The following ABAT variants were observed in gnomAD, a reference collection of about 807,000 sequenced individuals.
ABAT encodes 4-aminobutyrate aminotransferase.
In ABAT, 45 loss-of-function variants were observed where a neutral mutation model predicts 64.6. The ratio of observed to expected loss-of-function variants is 0.70; its 90% CI spans 0.55 to 0.89. The LOEUF (loss-of-function observed/expected upper bound fraction) is 0.89, where lower values mean the gene tolerates loss of function less well. Ranked by LOEUF, ABAT falls within the 40% of genes least tolerant of loss-of-function variation. The pLI is 0.00. For missense variants in ABAT, 633 were observed against 658.4 expected (o/e 0.96, Z 0.42); for synonymous variants, 297 against 250.5 (o/e 1.19, Z -1.75).
intron 1 of ABAT, among the ~76,000 whole-genome samples, chr16:8,717,042 C>A (rs1236879530): frequency 2.0e-5 from 3 of 152,348 alleles, no homozygotes; most frequent in Non-Finnish European, 2.9e-5. Context: ...GTAATCCCAG[C>A]ACTTTGGGAG....
chr16:8,764,614 C>T lies in ABAT; in HGVS notation c.448-124C>T. Reference sequence around the variant, plus strand: ...GCCCACCCTCCCAGTCCGACACCTTCCAGGACAGCCCTGGTTCTGTCTGTC... The same window carrying T: ...GCCCACCCTCCCAGTCCGACACCTTTCAGGACAGCCCTGGTTCTGTCTGTC... On this transcript the variant is annotated intron_variant, in intron 7 of 15. Transcript: ENST00000268251. The surrounding 1 kb of genome is among the most constrained non-coding windows in gnomAD (Gnocchi z 4.2). The T allele has an allele frequency of 1.0e-6, 1 of 962,562 alleles. No homozygotes were observed. Among genetic ancestry groups the T allele is most frequent in the Non-Finnish European group, 1.6e-6 (1 of 608,746 alleles). The allele number at this position is 962,562 out of a possible 1,614,324, so 59.6% of individuals were successfully genotyped here. A position where few individuals can be genotyped will look rare whatever the true frequency, so the allele number is the denominator to read the frequency against.
intron 11 of ABAT, among the ~76,000 whole-genome samples, chr16:8,771,359 C>G (rs774335326): frequency 1.5e-4 from 22 of 151,402 alleles, no homozygotes; most frequent in South Asian, 8.4e-4. Context: ...CTGGTGGAGA[C>G]CAAGGTCAAA....
At chr16:8,768,737 C>G in intron 10 of ABAT, 88 bp from the exon 11 acceptor site, 2 of 1,580,572 alleles carry the variant, frequency 1.3e-6, no homozygotes, top group Non-Finnish European at 1.7e-6. Context: ...GACAGCCTTG[C>G]GCTGAAATGT....
At chr16:8,765,456 G>T (rs2059917483) in intron 8 of ABAT, among the ~76,000 whole-genome samples, 1 of 152,036 alleles carries the variant, frequency 6.6e-6, no homozygotes, top group African/African-American at 2.4e-5. Flanking sequence ...TTGAGTCCAA[G>T]AGTTCAAGAC....
chr16:8,766,240 G>C lies in ABAT; in HGVS notation c.573G>C (p.Gln191His). The C allele has an allele frequency of 6.2e-7, 1 of 1,614,162 alleles. No individual in the cohort carries two copies. The highest frequency in any genetic ancestry group is 8.5e-7 in the Non-Finnish European group (1 of 1,179,996). The change falls in exon 9 of 16, where the codon CAG becomes CAC. Residue 191 changes from glutamine to histidine, a missense_variant. Physicochemically the swap from Gln to His is conservative, Grantham distance 24. Transcript: ENST00000268251. ...SKERGQRGFS[Q>H]EELETCMINQ... ...AAAGAGGGCAGAGGGGCTTCTCCCA[G>C]GAGGAGCTGGAGACGTGCATGATTA...
At chr16:8,756,405 T>G (rs760226267) in intron 5 of ABAT, among the ~76,000 whole-genome samples, 2 of 152,096 alleles carry the variant, frequency 1.3e-5, no homozygotes, top group Non-Finnish European at 2.9e-5. Context: ...TTTTTTCTTT[T>G]TTTATTTCTT....
chr16:8,764,669 C>A lies in ABAT; in HGVS notation c.448-69C>A. Reference sequence around the variant, plus strand: ...GTACGGCCCCTGCGAAGATTCAGCTCCAGCCAGGGGAAGCGGGAGGACAGG... The same window carrying A: ...GTACGGCCCCTGCGAAGATTCAGCTACAGCCAGGGGAAGCGGGAGGACAGG... On this transcript the variant is annotated intron_variant, in intron 7 of 15. Transcript: ENST00000268251. This position sits in a 1 kb window ranked among gnomAD's most constrained non-coding sequence, Gnocchi z 4.2. The A allele has an allele frequency of 1.4e-6, 2 of 1,451,058 alleles. No homozygotes were observed. The highest frequency in any genetic ancestry group is 1.4e-5 in the African/African-American group (1 of 71,732). 89.9% of individuals were successfully genotyped at this position (1,451,058 alleles called of 1,614,324 possible).
rs139675789 is a variant in ABAT at position 8,701,848 on chromosome 16, G to C, written c.-42+27137G>C. 2.2e-3 allele frequency among the ~76,000 whole-genome samples: 336 copies of C among 152,142 alleles called. 2 individuals carry two copies. The highest frequency in any genetic ancestry group is 7.7e-3 in the African/African-American group (321 of 41,478). ...GAAGAGATTTTTGGGGAGTGGAATG[G>C]GCAGGAGCAGGCTCTTGGGTCAGGC... On this transcript the variant is annotated intron_variant, in intron 1 of 15. Transcript: ENST00000268251.
chr16:8,683,823 G>A (rs111440843), intron 1 of ABAT, among the ~76,000 whole-genome samples: 2 of 151,924 alleles, frequency 1.3e-5, no homozygotes, highest in East Asian at 1.9e-4. Context: ...CCTCCCTTTT[G>A]ATGGCTTATC....
intron 1 of ABAT, among the ~76,000 whole-genome samples, chr16:8,726,970 C>T (rs2058576254): frequency 6.6e-6 from 1 of 152,170 alleles, no homozygotes; most frequent in Non-Finnish European, 1.5e-5. Context: ...CATGTGCTTG[C>T]TTGCCATTTG....
intron 1 of ABAT, among the ~76,000 whole-genome samples, chr16:8,697,246 C>A (rs552542587): frequency 6.6e-6 from 1 of 152,068 alleles, no homozygotes; most frequent in African/African-American, 2.4e-5. Flanking sequence ...GCAGGTCCCA[C>A]GTTGGGAGGA....
chr16:8,775,817 C>A (rs1185239762), intron 13 of ABAT, among the ~76,000 whole-genome samples: 1 of 152,168 alleles, frequency 6.6e-6, no homozygotes, highest in South Asian at 2.1e-4. Flanking sequence ...AGTCACATGG[C>A]CACTTCTAGC....
chr16:8,772,252 CTGTGTGTGTG>C (rs55677241), intron 11 of ABAT, among the ~76,000 whole-genome samples: 7,377 of 147,868 alleles, frequency 0.05, 231 homozygotes, highest in Middle Eastern at 0.13. Flanking sequence ...CTCTCTGTCT[CTGTGTGTGTG>C]TGTGTGTGTG....
chr16:8,715,442 A>T (rs7187850), intron 1 of ABAT: 27,372 of 151,602 alleles, frequency 0.18, 2,821 homozygotes, highest in African/African-American at 0.27. Flanking sequence ...ATATAGGGAG[A>T]CCCCATCTCT....
chr16:8,710,927 C>T (rs985614507), intron 1 of ABAT, among the ~76,000 whole-genome samples: 11 of 152,204 alleles, frequency 7.2e-5, no homozygotes, highest in Non-Finnish European at 1.5e-4. Flanking sequence ...CAACCAGCAA[C>T]CAACATTAAT....
intron 2 of ABAT, among the ~76,000 whole-genome samples, chr16:8,744,084 C>T (rs2059261390): frequency 6.6e-6 from 1 of 152,148 alleles, no homozygotes; most frequent in Admixed American, 6.5e-5. Flanking sequence ...ACTCATTACA[C>T]ATTATGTGGA....
At chr16:8,724,769 A>C (rs2096441845) in intron 1 of ABAT, among the ~76,000 whole-genome samples, 3 of 135,866 alleles carry the variant, frequency 2.2e-5, no homozygotes, top group Non-Finnish European at 3.2e-5. Context: ...AAAAAAAAAA[A>C]CAATGGCAAT....
At position 8,703,856 on chromosome 16, in the gene ABAT, A is replaced by T. The variant is rs545123488; in HGVS notation, c.-42+29145A>T. Among the ~76,000 whole-genome samples, 37 of 152,308 alleles carry T rather than the reference A, an allele frequency of 2.4e-4. No individual in the cohort carries two copies. The Middle Eastern group carries it at 0.02, about 84-fold the overall frequency. ...ATGTGGTTTCTCTTGCCACTATTCA[A>T]CCCTGCCATTGTAGCGCAAAGCAGC... On this transcript the variant is annotated intron_variant, in intron 1 of 15. Coordinates refer to ENST00000268251, the MANE Select transcript of ABAT (RefSeq NM_020686.6).
At chr16:8,730,850 C>A (rs2058698347) in intron 1 of ABAT, among the ~76,000 whole-genome samples, 1 of 152,218 alleles carries the variant, frequency 6.6e-6, no homozygotes, top group Non-Finnish European at 1.5e-5. Context: ...GCTGGCTCCA[C>A]CAGCAACTTG....
Sources: allele counts gnomAD v4.1 joint callset (sites outside exome capture counted in the v4.1 genomes callset), GRCh38; gene constraint gnomAD v4.1.1; non-coding constraint Gnocchi (gnomAD v3.1); transcripts MANE v1.5; gene names NCBI Gene and HGNC (gene_info 2026-07-23, HGNC 2026-07-21).